The following CLTC variants were observed in gnomAD, a reference collection of about 807,000 sequenced individuals.
The protein encoded by CLTC is clathrin heavy chain.
A neutral mutation model predicts 195.8 loss-of-function variants in CLTC; 16 were observed. The ratio of observed to expected loss-of-function variants is 0.08; its 90% CI spans 0.06 to 0.12. The LOEUF is 0.12. CLTC is among the 10% of genes least tolerant of loss of function. CLTC has a pLI of 1.00. For missense variants in CLTC, 796 were observed against 2,027.0 expected (o/e 0.39, Z 11.66); for synonymous variants, 667 against 689.4 (o/e 0.97, Z 0.51).
intron 31 of CLTC, among the ~76,000 whole-genome samples, chr17:59,692,054 C>T (rs376341352): frequency 7.9e-5 from 12 of 152,154 alleles, no homozygotes; most frequent in South Asian, 6.2e-4. Context: ...TGCAGTGGCT[C>T]ACGCCTGTAA....
chr17:59,691,419 T>G (rs531556795), intron 31 of CLTC, among the ~76,000 whole-genome samples: 1 of 151,902 alleles, frequency 6.6e-6, no homozygotes, highest in African/African-American at 2.4e-5. Context: ...GGTCAGGAGC[T>G]TGAGACCATC....
intron 10 of CLTC, 132 bp downstream of exon 10, chr17:59,665,041 A>G (rs948232317): frequency 8.7e-7 from 1 of 1,154,678 alleles, no homozygotes; most frequent in Non-Finnish European, 1.2e-6. Flanking sequence ...TCTGGGCAAC[A>G]TTGTGAGACC....
chr17:59,676,792 C>G (rs1181139427), intron 16 of CLTC, among the ~76,000 whole-genome samples, 162 bp from the exon 17 acceptor site: 3 of 152,126 alleles, frequency 2.0e-5, no homozygotes, highest in Non-Finnish European at 4.4e-5. Flanking sequence ...CTGTGAATAG[C>G]CACTGCACTT....
intron 1 of CLTC, among the ~76,000 whole-genome samples, chr17:59,622,703 G>A (rs1226071587): frequency 3.9e-5 from 6 of 152,114 alleles, no homozygotes; most frequent in Non-Finnish European, 8.8e-5. Context: ...GGCATCTTTG[G>A]TCTTTGACCT....
intron 30 of CLTC, among the ~76,000 whole-genome samples, chr17:59,686,069 G>C (rs1184262788): frequency 1.3e-5 from 2 of 151,924 alleles, no homozygotes; most frequent in African/African-American, 4.8e-5. Context: ...AAAAAACTTT[G>C]ATAAATTTTA....
intron 1 of CLTC, among the ~76,000 whole-genome samples, chr17:59,637,268 G>A (rs995634238): frequency 4.6e-5 from 7 of 150,598 alleles, no homozygotes; most frequent in South Asian, 2.1e-4. Context: ...TTTTTGAGAC[G>A]GAGTCTTGCT....
chr17:59,642,590 A>G (rs2143491629), intron 1 of CLTC, among the ~76,000 whole-genome samples: 1 of 152,334 alleles, frequency 6.6e-6, no homozygotes, highest in Admixed American at 6.5e-5. Context: ...ATCCTGTCTC[A>G]AAAGAAAAGT....
At chr17:59,664,731 T>C in intron 9 of CLTC, 56 bp from the exon 10 acceptor site, 1 of 1,575,088 alleles carries the variant, frequency 6.3e-7, no homozygotes, top group Admixed American at 1.8e-5. Context: ...AAAAAGTCTT[T>C]AAATGCTATA....
intron 31 of CLTC, among the ~76,000 whole-genome samples, chr17:59,692,765 T>A (rs896320253): frequency 2.9e-4 from 44 of 151,914 alleles, no homozygotes. Context: ...ACCTGCTGAG[T>A]AGCTGGGATT....
Position 59,696,239 on chromosome 17 carries a change from C to A in CLTC, c.*2387C>A, listed in dbSNP as rs2033420390. The A allele has an allele frequency of 4.5e-6, 1 of 221,652 alleles. No homozygotes were observed. The allele number at this position is 221,652 out of a possible 1,614,324, so 13.7% of individuals were successfully genotyped here. On this transcript the variant is annotated 3_prime_UTR_variant, in exon 32 of 32. Coordinates refer to ENST00000269122, the MANE Select transcript of CLTC (RefSeq NM_004859.4). Reference sequence around the variant, plus strand: ...AAATAGTTGCTATTGTGGCATCATTCACAGTTGCAATTTTTCTCCTGTGCT... The same window carrying A: ...AAATAGTTGCTATTGTGGCATCATTAACAGTTGCAATTTTTCTCCTGTGCT...
chr17:59,651,847 G>A (rs2032336216), intron 5 of CLTC, among the ~76,000 whole-genome samples: 1 of 152,172 alleles, frequency 6.6e-6, no homozygotes, highest in Admixed American at 6.5e-5. Context: ...AAAGAAGTTT[G>A]CTGCATCAAT....
At chr17:59,631,718 C>G (rs911153441) in intron 1 of CLTC, among the ~76,000 whole-genome samples, 1 of 152,046 alleles carries the variant, frequency 6.6e-6, no homozygotes, top group Non-Finnish European at 1.5e-5. Context: ...CGCCTGTAAC[C>G]CCATCACTTT....
chr17:59,685,721 T>C lies in CLTC; in HGVS notation c.4740T>C (p.Asp1580=). Residue 1580 remains aspartate, a synonymous_variant, in exon 30 of 32, where the codon GAT becomes GAC. Coordinates refer to ENST00000269122, the MANE Select transcript of CLTC (RefSeq NM_004859.4). This position sits in a 1 kb window ranked among gnomAD's most constrained non-coding sequence, Gnocchi z 5.0. ...CCTGTTACGATCTTTTAAGGCCAGA[T>C]GTCGTCCTAGAAACTGCATGGAGGC... is the stretch of plus-strand genomic sequence containing the variant. ...LFTCYDLLRP[D]VVLETAWRHN... is the part of the protein sequence containing the mutation. 1 of 1,614,156 alleles carries C rather than the reference T, an allele frequency of 6.2e-7. No individual in the cohort carries two copies. Among genetic ancestry groups the C allele is most frequent in the Non-Finnish European group, 8.5e-7 (1 of 1,180,000 alleles).
intron 5 of CLTC, among the ~76,000 whole-genome samples, chr17:59,651,986 A>G (rs1209927532): frequency 6.6e-6 from 1 of 152,190 alleles, no homozygotes; most frequent in Non-Finnish European, 1.5e-5. Context: ...TTCTGTAATA[A>G]TCTAAATCCT....
Position 59,666,316 on chromosome 17 carries a change from G to T in CLTC, c.1782+76G>T. 2 of 1,563,030 alleles carry T rather than the reference G, an allele frequency of 1.3e-6. No individual in the cohort carries two copies. The highest frequency in any genetic ancestry group is 1.8e-6 in the Non-Finnish European group (2 of 1,140,064). ...TGTGCAGCGCCTCTCAGATTGTTAT[G>T]CAAAGCTACTGAGGGGCCTACTCCT... On this transcript the variant is annotated intron_variant, in intron 11 of 31. Coordinates refer to ENST00000269122, the MANE Select transcript of CLTC (RefSeq NM_004859.4). The surrounding 1 kb of genome is among the most constrained non-coding windows in gnomAD (Gnocchi z 4.9).
chr17:59,647,247 G>C, intron 2 of CLTC, 151 bp from the exon 3 acceptor site: 1 of 636,340 alleles, frequency 1.6e-6, no homozygotes, highest in Admixed American at 2.9e-5. Context: ...CTTAGTCTTA[G>C]CTGTTACCTC....
rs1377077164 is a variant in CLTC at position 59,695,341 on chromosome 17, A to G, written c.*1489A>G. The G allele has an allele frequency of 5.4e-6, 1 of 183,786 alleles. No individual in the cohort carries two copies. The highest frequency in any genetic ancestry group is 1.9e-3 in the Middle Eastern group (1 of 528). 11.4% of individuals were successfully genotyped at this position (183,786 alleles called of 1,614,324 possible). A position where few individuals can be genotyped will look rare whatever the true frequency, so the allele number is the denominator to read the frequency against. On this transcript the variant is annotated 3_prime_UTR_variant, in exon 32 of 32. Transcript: ENST00000269122. Reference sequence around the variant, plus strand: ...GCAAATTACCTAACATAAGCTCCACAGAAGAGTTTTTTAAAACTTAAAATC... The same window carrying G: ...GCAAATTACCTAACATAAGCTCCACGGAAGAGTTTTTTAAAACTTAAAATC...
chr17:59,632,392 GA>G (rs1309096381), intron 1 of CLTC, among the ~76,000 whole-genome samples: 1 of 146,334 alleles, frequency 6.8e-6, no homozygotes, highest in Non-Finnish European at 1.5e-5. Flanking sequence ...AAGATTTTTA[GA>G]AACCAAAATA....
At chr17:59,679,614 C>A in intron 18 of CLTC, 95 bp downstream of exon 18, 2 of 1,114,886 alleles carry the variant, frequency 1.8e-6, no homozygotes, top group Non-Finnish European at 2.4e-6. Flanking sequence ...TCAAATGGAT[C>A]ATATATAACT....
Sources: gnomAD v4.1 joint callset for allele counts (sites outside exome capture counted in the v4.1 genomes callset) on GRCh38, gnomAD v4.1.1 for gene constraint, Gnocchi (gnomAD v3.1) non-coding constraint, MANE v1.5 for transcripts, NCBI Gene and HGNC (gene_info 2026-07-23, HGNC 2026-07-21) for gene names.